Variants in KHDRBS2 observed in about 807,000 individuals in gnomAD.
The protein encoded by KHDRBS2 is KH RNA binding domain containing, signal transduction associated 2, also known as KH domain-containing, RNA-binding, signal transduction-associated protein 2.
In KHDRBS2, 26 loss-of-function variants were observed where a neutral mutation model predicts 44.3. The ratio of observed to expected loss-of-function variants is 0.59; its 90% CI spans 0.43 to 0.81. KHDRBS2 has a LOEUF of 0.81. Among genes scored for constraint, KHDRBS2 ranks in the 40% least tolerant of loss-of-function variants. The pLI, the probability that KHDRBS2 is intolerant of heterozygous loss-of-function variation, is 0.00. For missense variants in KHDRBS2, 476 were observed against 433.1 expected (o/e 1.10, Z -0.88); for synonymous variants, 194 against 151.1 (o/e 1.28, Z -2.08).
intron 4 of KHDRBS2, among the ~76,000 whole-genome samples, chr6:61,954,727 TATAC>T (rs1425371066): frequency 1.8e-5 from 2 of 111,934 alleles, no homozygotes; most frequent in East Asian, 3.0e-4. Flanking sequence ...CATACTTATG[TATAC>T]ATACATATGT....
In KHDRBS2 at chr6:62,163,146, C is replaced by G. The variant is rs190929084; in HGVS notation, c.219+14039G>C. Among the ~76,000 whole-genome samples the G allele has an allele frequency of 5.0e-4, 76 of 152,012 alleles. 1 individual carries two copies. The highest frequency in any genetic ancestry group is 4.9e-3 in the Admixed American group (74 of 15,246). On this transcript the variant is annotated intron_variant, in intron 2 of 8. Coordinates refer to ENST00000281156, the MANE Select transcript of KHDRBS2 (RefSeq NM_152688.4). Reference sequence around the variant, plus strand: ...ATTAAGTTGCGTGGAAGAGTAGAAACCAGCAAACTAGGCTGACAAATACAA... The same window carrying G: ...ATTAAGTTGCGTGGAAGAGTAGAAAGCAGCAAACTAGGCTGACAAATACAA...
At chr6:61,972,469 A>C (rs974363395) in intron 4 of KHDRBS2, among the ~76,000 whole-genome samples, 1 of 152,178 alleles carries the variant, frequency 6.6e-6, no homozygotes, top group African/African-American at 2.4e-5. Context: ...TTACATAAAT[A>C]CATGTGGCTT....
chr6:61,813,448 C>T (rs544581523), intron 6 of KHDRBS2, among the ~76,000 whole-genome samples: 1 of 152,202 alleles, frequency 6.6e-6, no homozygotes, highest in East Asian at 1.9e-4. Context: ...AGGGATCAGG[C>T]AGGATTTGCA....
chr6:62,111,559 T>G (rs1197513343), intron 2 of KHDRBS2, among the ~76,000 whole-genome samples: 2 of 152,102 alleles, frequency 1.3e-5, no homozygotes, highest in Non-Finnish European at 2.9e-5. Flanking sequence ...ATTAAAGTGA[T>G]TCTCAAACTC....
intron 2 of KHDRBS2, among the ~76,000 whole-genome samples, chr6:62,069,881 T>C (rs1333079933): frequency 2.0e-5 from 3 of 151,804 alleles, no homozygotes; most frequent in Non-Finnish European, 4.4e-5. Flanking sequence ...TTTGAGTATA[T>C]TTTATAGTAG....
intron 8 of KHDRBS2, among the ~76,000 whole-genome samples, chr6:61,687,369 G>T (rs1252229338): frequency 2.0e-5 from 3 of 151,710 alleles, no homozygotes; most frequent in Non-Finnish European, 4.4e-5. Flanking sequence ...AGTAACAAAG[G>T]ACTTAGCCTT....
At chr6:61,560,929 A>G in the KHDRBS2 span, among the ~76,000 whole-genome samples, 1 of 152,096 alleles carries the variant, frequency 6.6e-6, no homozygotes, top group South Asian at 2.1e-4. Context: ...AGTCTTTGCA[A>G]TCTGAGCTTG....
At chr6:62,014,782 G>C (rs971181303) in intron 3 of KHDRBS2, among the ~76,000 whole-genome samples, 1 of 152,014 alleles carries the variant, frequency 6.6e-6, no homozygotes, top group African/African-American at 2.4e-5. Flanking sequence ...TACAGCACAT[G>C]AAATATTTTC....
intron 6 of KHDRBS2, 146 bp downstream of exon 6, chr6:61,894,489 G>T (rs1372496625): frequency 1.3e-5 from 8 of 620,726 alleles, no homozygotes; most frequent in Non-Finnish European, 1.3e-5. Context: ...TCATTTAAAT[G>T]CACTGCTTAA....
At chr6:62,059,325 T>C (rs534080212) in intron 2 of KHDRBS2, among the ~76,000 whole-genome samples, 5 of 141,014 alleles carry the variant, frequency 3.5e-5, no homozygotes, top group African/African-American at 5.2e-5. Context: ...AAAAAACATA[T>C]GGGGCAGATG....
At chr6:62,198,764 C>T (rs896278420) in intron 1 of KHDRBS2, among the ~76,000 whole-genome samples, 1 of 152,102 alleles carries the variant, frequency 6.6e-6, no homozygotes, top group Non-Finnish European at 1.5e-5. Context: ...GATACCAAAG[C>T]CTGGCAGAGA....
chr6:61,584,186 C>T, the KHDRBS2 span, among the ~76,000 whole-genome samples: 1 of 151,828 alleles, frequency 6.6e-6, no homozygotes, highest in East Asian at 1.9e-4. Context: ...ATTTCTTTTC[C>T]AATCTGCATG....
At chr6:61,648,732 A>T in the KHDRBS2 span, among the ~76,000 whole-genome samples, 1 of 152,160 alleles carries the variant, frequency 6.6e-6, no homozygotes, top group East Asian at 1.9e-4. Context: ...AAAGAAGCCA[A>T]CGTGTGGCCT....
chr6:61,893,184 C>T (rs1281423544), intron 6 of KHDRBS2, among the ~76,000 whole-genome samples: 1 of 152,192 alleles, frequency 6.6e-6, no homozygotes, highest in African/African-American at 2.4e-5. Context: ...AAACGCAAAT[C>T]AAAACCACAA....
chr6:61,579,028 C>T, the KHDRBS2 span, among the ~76,000 whole-genome samples: 1 of 152,208 alleles, frequency 6.6e-6, no homozygotes, highest in Non-Finnish European at 1.5e-5. Flanking sequence ...TTGTTTTTAG[C>T]CCCTGCAGCA....
chr6:62,274,339 T>C (rs1840569905), intron 1 of KHDRBS2, among the ~76,000 whole-genome samples: 1 of 152,188 alleles, frequency 6.6e-6, no homozygotes, highest in South Asian at 2.1e-4. Flanking sequence ...TGCAGCTACA[T>C]CATACTTTAA....
At chr6:62,092,228 G>A (rs1200583155) in intron 2 of KHDRBS2, among the ~76,000 whole-genome samples, 3 of 151,734 alleles carry the variant, frequency 2.0e-5, no homozygotes, top group African/African-American at 7.3e-5. Context: ...GGGGTTTGAC[G>A]CCTGCAACCC....
At chr6:61,881,352 A>G (rs1440108772) in intron 6 of KHDRBS2, among the ~76,000 whole-genome samples, 3 of 151,940 alleles carry the variant, frequency 2.0e-5, no homozygotes, top group Admixed American at 2.0e-4. Context: ...CCAACATTAA[A>G]TTAAAATAAT....
chr6:62,253,294 G>C (rs1261002793), intron 1 of KHDRBS2, among the ~76,000 whole-genome samples: 1 of 151,946 alleles, frequency 6.6e-6, no homozygotes, highest in African/African-American at 2.4e-5. Context: ...CTTTGTATAT[G>C]TTTATATATG....
Sources: gnomAD v4.1 joint callset for allele counts (sites outside exome capture counted in the v4.1 genomes callset) on GRCh38, gnomAD v4.1.1 for gene constraint, MANE v1.5 for transcripts, NCBI Gene and HGNC (gene_info 2026-07-23, HGNC 2026-07-21) for gene names.